The following DLGAP1 variants were observed in gnomAD, a reference collection of about 807,000 sequenced individuals.
The protein encoded by DLGAP1 is DLG associated protein 1, also known as disks large-associated protein 1.
Under a neutral mutation model 90.8 loss-of-function variants are expected in DLGAP1, and 11 were observed. That is an observed-to-expected ratio of 0.12 (90% CI 0.08 to 0.20). The LOEUF (loss-of-function observed/expected upper bound fraction) is 0.20, where lower values mean the gene tolerates loss of function less well. Among genes scored for constraint, DLGAP1 ranks in the 10% least tolerant of loss-of-function variants. DLGAP1 has a pLI of 1.00. For missense variants in DLGAP1, 1,050 were observed against 1,333.8 expected (o/e 0.79, Z 3.31); for synonymous variants, 558 against 540.7 (o/e 1.03, Z -0.44).
intron 3 of DLGAP1, chr18:3,962,324 A>G (rs888984762): frequency 6.6e-6 from 1 of 152,126 alleles, no homozygotes; most frequent in Non-Finnish European, 1.5e-5. Context: ...CTGGTAACAA[A>G]CTAGTATTCA....
chr18:3,784,310 G>T (rs2065344145), intron 5 of DLGAP1, among the ~76,000 whole-genome samples: 1 of 152,072 alleles, frequency 6.6e-6, no homozygotes, highest in Non-Finnish European at 1.5e-5. Context: ...ACCCCCCCTA[G>T]TTGTTGGGTC....
intron 1 of DLGAP1, among the ~76,000 whole-genome samples, chr18:4,445,263 C>A (rs1351413596): frequency 1.3e-5 from 2 of 151,568 alleles, no homozygotes; most frequent in African/African-American, 4.9e-5. Flanking sequence ...TCTCTATTCA[C>A]CCTATTCCCT....
At chr18:4,265,226 T>C (rs1432082220) in intron 1 of DLGAP1, among the ~76,000 whole-genome samples, 3 of 151,128 alleles carry the variant, frequency 2.0e-5, no homozygotes, top group Non-Finnish European at 4.4e-5. Context: ...TGGAGTGCAG[T>C]GGCACGATCT....
At chr18:4,151,825 C>A (rs2076679551) in intron 1 of DLGAP1, among the ~76,000 whole-genome samples, 1 of 152,118 alleles carries the variant, frequency 6.6e-6, no homozygotes, top group Non-Finnish European at 1.5e-5. Context: ...CTAAGTCAAG[C>A]CACTATCCTT....
chr18:4,079,506 G>A (rs1049201067), intron 2 of DLGAP1, among the ~76,000 whole-genome samples: 3 of 151,996 alleles, frequency 2.0e-5, no homozygotes, highest in African/African-American at 7.2e-5. Context: ...GGCATAGCGA[G>A]TGGCATAATG....
At chr18:4,393,439 C>T (rs2082377820) in intron 1 of DLGAP1, among the ~76,000 whole-genome samples, 1 of 152,168 alleles carries the variant, frequency 6.6e-6, no homozygotes, top group Admixed American at 6.5e-5. Flanking sequence ...GACTCTACCT[C>T]TAATTTTTCA....
intron 4 of DLGAP1, among the ~76,000 whole-genome samples, chr18:3,843,441 A>C (rs1422126008): frequency 6.6e-6 from 1 of 152,240 alleles, no homozygotes; most frequent in African/African-American, 2.4e-5. Context: ...AGGAAATAGA[A>C]GACAACATTG....
intron 4 of DLGAP1, among the ~76,000 whole-genome samples, chr18:3,853,387 G>A (rs2069450999): frequency 6.6e-6 from 1 of 152,094 alleles, no homozygotes; most frequent in Non-Finnish European, 1.5e-5. Context: ...ATGTAAGACA[G>A]TAGCCCCATA....
chr18:3,736,755 A>C (rs2062655337), intron 6 of DLGAP1, among the ~76,000 whole-genome samples: 1 of 152,070 alleles, frequency 6.6e-6, no homozygotes, highest in Non-Finnish European at 1.5e-5. Context: ...GCAGAAGGCA[A>C]GAAATAACTA....
At chr18:3,699,039 C>T (rs959080847) in intron 7 of DLGAP1, among the ~76,000 whole-genome samples, 1 of 152,054 alleles carries the variant, frequency 6.6e-6, no homozygotes, top group Non-Finnish European at 1.5e-5. Context: ...GCTATCAATT[C>T]CTCTAACCTT....
chr18:3,782,914 A>G (rs993663911), intron 5 of DLGAP1, among the ~76,000 whole-genome samples: 21 of 152,238 alleles, frequency 1.4e-4, no homozygotes, highest in Admixed American at 1.4e-3. Flanking sequence ...TCTGATAAAG[A>G]ACTTATATCT....
chr18:4,127,976 A>G (rs1250145442), intron 2 of DLGAP1, among the ~76,000 whole-genome samples: 4 of 152,200 alleles, frequency 2.6e-5, no homozygotes, highest in African/African-American at 7.2e-5. Flanking sequence ...AGCTTTTTCA[A>G]AAAGCATTTT....
chr18:4,214,708 T>C (rs12458410), intron 1 of DLGAP1, among the ~76,000 whole-genome samples: 94,957 of 152,018 alleles, frequency 0.62, 30,326 homozygotes, highest in East Asian at 0.84. Flanking sequence ...TGTTGACCAC[T>C]ATATAGATAC....
At chr18:3,844,706 C>T (rs1247032343) in intron 4 of DLGAP1, among the ~76,000 whole-genome samples, 1 of 152,152 alleles carries the variant, frequency 6.6e-6, no homozygotes, top group East Asian at 1.9e-4. Flanking sequence ...ATAAAACTCA[C>T]CTAAACTGAA....
chr18:3,724,999 C>T (rs563623671), intron 7 of DLGAP1, among the ~76,000 whole-genome samples: 2 of 151,856 alleles, frequency 1.3e-5, no homozygotes, highest in South Asian at 4.2e-4. Flanking sequence ...TATTTCTATT[C>T]AAATGTTATA....
At chr18:3,943,204 CCT>C (rs2072806272) in intron 3 of DLGAP1, among the ~76,000 whole-genome samples, 1 of 152,098 alleles carries the variant, frequency 6.6e-6, no homozygotes, top group Non-Finnish European at 1.5e-5. Context: ...AATCTGCACG[CCT>C]CTGTCATTTT....
chr18:3,707,455 C>A (rs2061469108), intron 7 of DLGAP1, among the ~76,000 whole-genome samples: 1 of 151,984 alleles, frequency 6.6e-6, no homozygotes, highest in South Asian at 2.1e-4. Flanking sequence ...AAAATATTAG[C>A]CAGATGTGGT....
chr18:3,827,714 T>C (rs1430730687), intron 4 of DLGAP1, among the ~76,000 whole-genome samples: 2 of 152,178 alleles, frequency 1.3e-5, no homozygotes, highest in Non-Finnish European at 2.9e-5. Flanking sequence ...CAGAGAGAAA[T>C]ACTTAACCTT....
At chr18:3,911,711 T>G (rs57560769) in intron 3 of DLGAP1, among the ~76,000 whole-genome samples, 6,468 of 152,282 alleles carry the variant, frequency 0.042, 388 homozygotes, top group African/African-American at 0.13. Flanking sequence ...TGTGAACTAT[T>G]TAGCAGGAAC....
Sources: allele counts gnomAD v4.1 joint callset (sites outside exome capture counted in the v4.1 genomes callset), GRCh38; gene constraint gnomAD v4.1.1; transcripts MANE v1.5; gene names NCBI Gene and HGNC (gene_info 2026-07-23, HGNC 2026-07-21).